PDZRN4: variants seen among roughly 807,000 people sequenced by gnomAD.
PDZRN4 encodes PDZ domain-containing RING finger protein 4.
Under a neutral mutation model 99.0 loss-of-function variants are expected in PDZRN4, and 70 were observed. That is an observed-to-expected ratio of 0.71 (90% CI 0.58 to 0.86). The LOEUF (loss-of-function observed/expected upper bound fraction) is 0.86, where lower values mean the gene tolerates loss of function less well. PDZRN4 is among the 40% of genes least tolerant of loss of function. The pLI is 0.00. For missense variants in PDZRN4, 1,474 were observed against 1,331.2 expected, an observed-to-expected ratio of 1.11 and a Z score of -1.67; for synonymous variants, 551 against 501.6, an observed-to-expected ratio of 1.10 and a Z score of -1.32.
chr12:41,246,218 CTT>C (rs1951132917), intron 3 of PDZRN4, among the ~76,000 whole-genome samples: 1 of 152,104 alleles, frequency 6.6e-6, no homozygotes, highest in African/African-American at 2.4e-5. Context: ...TTTTTTAAAA[CTT>C]TTGTTTTATC....
chr12:41,199,413 T>A (rs1442014744), intron 3 of PDZRN4, among the ~76,000 whole-genome samples: 1 of 152,158 alleles, frequency 6.6e-6, no homozygotes, highest in African/African-American at 2.4e-5. Context: ...TTGGTTGGAA[T>A]GGAAATTCGT....
chr12:41,316,817 G>T (rs1056472272), intron 3 of PDZRN4, among the ~76,000 whole-genome samples: 9 of 151,362 alleles, frequency 5.9e-5, no homozygotes, highest in African/African-American at 2.2e-4. Flanking sequence ...ATGCATTGAG[G>T]TTTGTCTATT....
At chr12:41,261,831 C>T (rs2120832849) in intron 3 of PDZRN4, among the ~76,000 whole-genome samples, 1 of 152,264 alleles carries the variant, frequency 6.6e-6, no homozygotes, top group African/African-American at 2.4e-5. Context: ...GAAATCTCTT[C>T]AGTTCTACCA....
intron 3 of PDZRN4, among the ~76,000 whole-genome samples, chr12:41,226,735 C>T (rs1406501532): frequency 1.3e-5 from 2 of 152,114 alleles, no homozygotes; most frequent in Admixed American, 6.5e-5. Context: ...ACGTATTGCA[C>T]CTGCCATGCA....
At chr12:41,357,160 CTCTG>C (rs1397510175) in intron 3 of PDZRN4, among the ~76,000 whole-genome samples, 2 of 151,772 alleles carry the variant, frequency 1.3e-5, no homozygotes, top group African/African-American at 4.8e-5. Context: ...CTCTCTCTGC[CTCTG>C]TCTCTTTCTC....
At chr12:41,192,011 C>T (rs576925371) in intron 2 of PDZRN4, among the ~76,000 whole-genome samples, 4 of 152,088 alleles carry the variant, frequency 2.6e-5, no homozygotes, top group Non-Finnish European at 5.9e-5. Flanking sequence ...TTGAACTCCT[C>T]ACCCCAAGTG....
rs1216648739 is a variant in PDZRN4, at chr12:41,379,926, C to T, written c.844-126530C>T. On this transcript the variant is annotated intron_variant, in intron 3 of 9. Coordinates refer to ENST00000402685, the MANE Select transcript of PDZRN4 (RefSeq NM_001164595.2). ...ATTGATTTTCATGTGATTATCTATT[C>T]CTTGTTTCCTACTATTAAAATTTCC... Among the ~76,000 whole-genome samples the T allele has an allele frequency of 2.0e-5, 3 of 151,906 alleles. No individual in the cohort carries two copies. In the East Asian group the frequency reaches 5.8e-4, roughly 29 times the overall value.
intron 3 of PDZRN4, among the ~76,000 whole-genome samples, chr12:41,363,169 G>C (rs1951975114): frequency 6.6e-6 from 1 of 151,966 alleles, no homozygotes; most frequent in African/African-American, 2.4e-5. Flanking sequence ...AATTGGACTG[G>C]GAGAGGAATA....
intron 3 of PDZRN4, chr12:41,460,198 T>A (rs1337373222): frequency 1.5e-6 from 1 of 649,940 alleles, no homozygotes; most frequent in Admixed American, 4.2e-5. Flanking sequence ...ATTCCTATAT[T>A]GAATATCCTA....
intron 3 of PDZRN4, among the ~76,000 whole-genome samples, chr12:41,490,149 A>G (rs1296949993): frequency 6.6e-6 from 1 of 152,176 alleles, no homozygotes; most frequent in Non-Finnish European, 1.5e-5. Context: ...TAAATATTGG[A>G]GTGATAATTA....
At chr12:41,413,178 T>G (rs1952413047) in intron 3 of PDZRN4, 1 of 152,066 alleles carries the variant, frequency 6.6e-6, no homozygotes, top group Non-Finnish European at 1.5e-5. Flanking sequence ...TGGGATGCTA[T>G]TCAGCCATAA....
At chr12:41,260,426 T>C (rs1009194280) in intron 3 of PDZRN4, among the ~76,000 whole-genome samples, 1 of 152,122 alleles carries the variant, frequency 6.6e-6, no homozygotes, top group Non-Finnish European at 1.5e-5. Flanking sequence ...GAAGCTTTAT[T>C]TTATTTCGAA....
intron 3 of PDZRN4, among the ~76,000 whole-genome samples, chr12:41,393,697 G>A (rs1952226090): frequency 6.6e-6 from 1 of 152,148 alleles, no homozygotes; most frequent in African/African-American, 2.4e-5. Flanking sequence ...CTTGCAGAGT[G>A]ATTATTTTCT....
chr12:41,426,646 A>G (rs1056355636), intron 3 of PDZRN4, among the ~76,000 whole-genome samples: 1 of 152,190 alleles, frequency 6.6e-6, no homozygotes, highest in Admixed American at 6.5e-5. Flanking sequence ...TCTTAATAGA[A>G]TTTTTTTGAG....
chr12:41,454,048 T>C (rs889548260), intron 3 of PDZRN4, among the ~76,000 whole-genome samples: 38 of 146,190 alleles, frequency 2.6e-4, no homozygotes, highest in Admixed American at 1.0e-3. Context: ...AGGTTTTTTT[T>C]CTTCTGATGA....
intron 3 of PDZRN4, among the ~76,000 whole-genome samples, chr12:41,332,167 C>A (rs569490687): frequency 6.6e-6 from 1 of 152,140 alleles, no homozygotes; most frequent in East Asian, 1.9e-4. Flanking sequence ...CAGTTACACT[C>A]AAGTACCTGG....
At chr12:41,286,289 C>T (rs1298732786) in intron 3 of PDZRN4, among the ~76,000 whole-genome samples, 2 of 150,382 alleles carry the variant, frequency 1.3e-5, no homozygotes, top group South Asian at 2.1e-4. Context: ...GAAGGCTGAT[C>T]GCTCAGAAAG....
chr12:41,315,512 C>T (rs1951632543), intron 3 of PDZRN4, among the ~76,000 whole-genome samples: 2 of 151,980 alleles, frequency 1.3e-5, no homozygotes, highest in South Asian at 4.1e-4. Flanking sequence ...ATAAAGATTC[C>T]AATATTATTT....
At chr12:41,274,684 C>A (rs566148760) in intron 3 of PDZRN4, among the ~76,000 whole-genome samples, 23 of 152,142 alleles carry the variant, frequency 1.5e-4, no homozygotes, top group Non-Finnish European at 2.2e-4. Flanking sequence ...CCTGCTTCTT[C>A]TTCAGATGAT....
Sources: allele counts gnomAD v4.1 joint callset (sites outside exome capture counted in the v4.1 genomes callset), GRCh38; gene constraint gnomAD v4.1.1; transcripts MANE v1.5; gene names NCBI Gene and HGNC (gene_info 2026-07-23, HGNC 2026-07-21).